Variants in SUSD4 observed in about 807,000 individuals in gnomAD.
The protein encoded by SUSD4 is sushi domain containing 4.
A neutral mutation model predicts 50.5 loss-of-function variants in SUSD4; 41 were observed. The ratio of observed to expected loss-of-function variants is 0.81; its 90% CI spans 0.63 to 1.05. The LOEUF (loss-of-function observed/expected upper bound fraction) is 1.05. Ranked by LOEUF, SUSD4 falls within the 50% of genes least tolerant of loss-of-function variation. The pLI is 0.00. For synonymous variants in SUSD4, 257 were observed against 257.3 expected, an observed-to-expected ratio of 1.00 and a Z score of 0.01; for missense variants, 580 against 634.7, an observed-to-expected ratio of 0.91 and a Z score of 0.93.
At chr1:223,261,171 A>G (rs1021780010) in intron 5 of SUSD4, among the ~76,000 whole-genome samples, 2 of 152,202 alleles carry the variant, frequency 1.3e-5, no homozygotes, top group Admixed American at 6.5e-5. Flanking sequence ...GCGGCCACCC[A>G]GCGGGCAGCA....
At chr1:223,271,529 C>A (rs886562529) in intron 3 of SUSD4, among the ~76,000 whole-genome samples, 3 of 152,084 alleles carry the variant, frequency 2.0e-5, no homozygotes, top group African/African-American at 7.2e-5. Context: ...GTGGGAGGAG[C>A]CACATATCAA....
chr1:223,265,631 T>C (rs1662441989), intron 4 of SUSD4, among the ~76,000 whole-genome samples: 1 of 152,130 alleles, frequency 6.6e-6, no homozygotes, highest in Non-Finnish European at 1.5e-5. Context: ...TGTGCAATAG[T>C]GTGGAAGTGG....
In SUSD4 at chr1:223,223,331, G is replaced by A. The variant is rs999424595; in HGVS notation, c.1362C>T (p.His454=). The part of the protein sequence containing the change: ...YSPPRCQEST[H]PASDNPDIIA... The stretch of plus-strand genomic sequence containing the variant: ...TTATGTCAGGGTTGTCCGAAGCAGG[G>A]TGGGTGCTCTCTTGGCACCTGGGAG... The change falls in exon 8 of 9, where the codon CAC becomes CAT. Residue 454 remains histidine, a synonymous_variant. Transcript: ENST00000366878. The A allele has an allele frequency of 1.2e-6, 2 of 1,610,622 alleles. No individual in the cohort carries two copies. Among genetic ancestry groups the A allele is most frequent in the Non-Finnish European group, 8.5e-7 (1 of 1,178,554 alleles).
chr1:223,293,223 C>T (rs958098806), intron 2 of SUSD4, among the ~76,000 whole-genome samples: 1 of 152,124 alleles, frequency 6.6e-6, no homozygotes, highest in African/African-American at 2.4e-5. Context: ...CCTCCTCTTA[C>T]CCCTACCCCT....
intron 2 of SUSD4, among the ~76,000 whole-genome samples, chr1:223,304,190 T>A (rs1482735088): frequency 6.6e-6 from 1 of 152,186 alleles, no homozygotes; most frequent in Non-Finnish European, 1.5e-5. Context: ...GCTATGAACA[T>A]CTGCTTTTCT....
At chr1:223,247,712 T>C (rs1661033719) in intron 5 of SUSD4, among the ~76,000 whole-genome samples, 1 of 152,184 alleles carries the variant, frequency 6.6e-6, no homozygotes, top group African/African-American at 2.4e-5. Flanking sequence ...TCCTCAACCC[T>C]GGCTGCACAG....
intron 2 of SUSD4, among the ~76,000 whole-genome samples, chr1:223,311,979 T>C (rs1319382115): frequency 6.6e-6 from 1 of 152,210 alleles, no homozygotes; most frequent in Non-Finnish European, 1.5e-5. Context: ...TTGATGTTAT[T>C]CCAGTGAGAA....
chr1:223,258,469 G>A (rs186904080), intron 5 of SUSD4, among the ~76,000 whole-genome samples: 1 of 152,048 alleles, frequency 6.6e-6, no homozygotes, highest in African/African-American at 2.4e-5. Flanking sequence ...ATTGGATGCT[G>A]TCTGATGAAA....
chr1:223,363,197 G>T, intron 2 of SUSD4, 81 bp downstream of exon 2: 1 of 1,398,594 alleles, frequency 7.2e-7, no homozygotes, highest in Non-Finnish European at 9.4e-7. Context: ...TGGGGGAGGG[G>T]TGCAGGGCTG....
At chr1:223,233,592 G>T (rs1421579938) in intron 5 of SUSD4, among the ~76,000 whole-genome samples, 1 of 152,140 alleles carries the variant, frequency 6.6e-6, no homozygotes, top group Non-Finnish European at 1.5e-5. Flanking sequence ...AGAGGCCTCA[G>T]ACACATGGCA....
At chr1:223,259,023 AT>A (rs1661903505) in intron 5 of SUSD4, among the ~76,000 whole-genome samples, 1 of 152,172 alleles carries the variant, frequency 6.6e-6, no homozygotes, top group Non-Finnish European at 1.5e-5. Context: ...TACAAATGTA[AT>A]ATTTAGAACC....
At chr1:223,289,024 C>T (rs1343511467) in intron 3 of SUSD4, 2 of 871,136 alleles carry the variant, frequency 2.3e-6, no homozygotes, top group African/African-American at 1.8e-5. Context: ...GATATATTTA[C>T]TCTGGAAAAG....
At chr1:223,351,185 T>G (rs1214200839) in intron 2 of SUSD4, among the ~76,000 whole-genome samples, 1 of 152,246 alleles carries the variant, frequency 6.6e-6, no homozygotes, top group Non-Finnish European at 1.5e-5. Flanking sequence ...AGAGCAAGGA[T>G]TCCAGTCCCC....
intron 5 of SUSD4, among the ~76,000 whole-genome samples, chr1:223,260,308 G>A (rs998033729): frequency 2.0e-5 from 3 of 152,138 alleles, no homozygotes; most frequent in Admixed American, 6.5e-5. Context: ...TGCCCAATTC[G>A]GTGTTGCTCT....
At chr1:223,293,239 C>T (rs148100427) in intron 2 of SUSD4, among the ~76,000 whole-genome samples, 1 of 152,236 alleles carries the variant, frequency 6.6e-6, no homozygotes, top group African/African-American at 2.4e-5. Context: ...CCCCTATCTG[C>T]CAGGGGAACA....
rs184507236 is a variant in SUSD4 at position 223,238,319 on chromosome 1, T to C, written c.725-8931A>G. Among the ~76,000 whole-genome samples, 228 of 151,596 alleles carry C rather than the reference T, an allele frequency of 1.5e-3. No homozygotes were observed. In the Middle Eastern group the frequency reaches 0.017, roughly 11 times the overall value. ...AGCTTTTGACTTTGTTGATTGTCTC[T>C]ATTGAGTTCCTATTTTCAACTTCAT... On this transcript the variant is annotated intron_variant, in intron 5 of 8. Transcript: ENST00000366878.
rs1460628782 is a variant in SUSD4, at chr1:223,266,152, G to A, written c.536-1334C>T. Reference sequence around the variant, plus strand: ...TGTCCTGGGGCCATGCGGCTCTGCAGACCAAGCAGATCATAGCTTTGAATT... The same window carrying A: ...TGTCCTGGGGCCATGCGGCTCTGCAAACCAAGCAGATCATAGCTTTGAATT... On this transcript the variant is annotated intron_variant, in intron 4 of 8. Transcript: ENST00000366878. Among the ~76,000 whole-genome samples the A allele has an allele frequency of 2.0e-5, 3 of 152,230 alleles. No homozygotes were observed. The East Asian group carries it at 5.8e-4, about 29-fold the overall frequency.
chr1:223,240,424 C>A (rs1330015328), intron 5 of SUSD4, among the ~76,000 whole-genome samples: 1 of 152,034 alleles, frequency 6.6e-6, no homozygotes, highest in Non-Finnish European at 1.5e-5. Context: ...ATCTCCATTA[C>A]ACATATGTTT....
intron 3 of SUSD4, among the ~76,000 whole-genome samples, chr1:223,283,385 G>T (rs1237930950): frequency 6.6e-6 from 1 of 151,928 alleles, no homozygotes; most frequent in Non-Finnish European, 1.5e-5. Flanking sequence ...AAATTTACAA[G>T]AAAAAAACAA....
Sources: allele counts gnomAD v4.1 joint callset (sites outside exome capture counted in the v4.1 genomes callset), GRCh38; gene constraint gnomAD v4.1.1; transcripts MANE v1.5; gene names NCBI Gene and HGNC (gene_info 2026-07-23, HGNC 2026-07-21).